Variants in TBX22 observed in about 807,000 individuals in gnomAD.
TBX22 encodes T-box transcription factor 22.
TBX22 carries 8 observed loss-of-function variants against 30.1 expected under a neutral mutation model. The observed-to-expected ratio is 0.27, with a 90% CI of 0.16 to 0.48. The LOEUF (loss-of-function observed/expected upper bound fraction) is 0.48, where lower values mean the gene tolerates loss of function less well. TBX22 is among the 20% of genes least tolerant of loss of function. The pLI, the probability that TBX22 is intolerant of heterozygous loss-of-function variation, is 0.99. For synonymous variants in TBX22, 173 were observed against 149.1 expected, an observed-to-expected ratio of 1.16 and a Z score of -1.17; for missense variants, 463 against 400.5, an observed-to-expected ratio of 1.16 and a Z score of -1.33.
intron 8 of TBX22, among the ~76,000 whole-genome samples, chrX:80,030,058 T>G (rs1488324271): frequency 8.9e-6 from 1 of 111,792 alleles, no homozygotes; most frequent in African/African-American, 3.3e-5. Flanking sequence ...GGGATGAAAC[T>G]GTTCCACCTC....
rs746269435 is a variant in TBX22 at position 80,016,831 on chromosome X, C to A, written c.-3+1944C>A. On this transcript the variant is annotated intron_variant, in intron 1 of 8. Transcript: ENST00000373296. ...GACCAGCCTGGCCAACATGGTGAAA[C>A]CCCGTCTCTACTAAAAATACAAAAA... Among the ~76,000 whole-genome samples, 3 of 109,516 alleles carry A rather than the reference C, an allele frequency of 2.7e-5. No individual in the cohort carries two copies. In the Admixed American group the frequency reaches 2.9e-4, roughly 11 times the overall value.
At position 80,031,068 on chromosome X, in the gene TBX22, G is replaced by A; in HGVS notation, c.1520G>A (p.Cys507Tyr). 2 of 1,210,799 alleles carry A rather than the reference G, an allele frequency of 1.7e-6. 1 individual carries two copies. The change falls in exon 9 of 9, where the codon TGT becomes TAT. Residue 507 changes from cysteine to tyrosine, a missense_variant. Coordinates refer to ENST00000373296, the MANE Select transcript of TBX22 (RefSeq NM_001109878.2). ...DSQVSFGEGKCNHVHWYPAIN... is the reference protein window; with the variant it reads ...DSQVSFGEGKYNHVHWYPAIN... ...CAAGTTTCTTTTGGAGAAGGCAAAT[G>A]TAATCATGTTCATTGGTATCCAGCA...
At chrX:80,019,629 T>C (rs1923593318) in intron 1 of TBX22, among the ~76,000 whole-genome samples, 1 of 111,134 alleles carries the variant, frequency 9.0e-6, no homozygotes, top group Admixed American at 9.7e-5. Context: ...CATTAGTACA[T>C]GCGCCTCAGG....
intron 7 of TBX22, among the ~76,000 whole-genome samples, chrX:80,027,623 C>T (rs779859898): frequency 1.8e-5 from 2 of 111,854 alleles, no homozygotes; most frequent in Non-Finnish European, 3.8e-5. Context: ...GTGATCTGCC[C>T]GCCTCAGCCT....
At chrX:80,029,209 T>C (rs1457221239) in intron 8 of TBX22, among the ~76,000 whole-genome samples, 1 of 112,142 alleles carries the variant, frequency 8.9e-6, no homozygotes, top group African/African-American at 3.2e-5. Flanking sequence ...ATTTGCCATC[T>C]TGTTGATGAA....
At chrX:80,025,195 C>G (rs1923912857) in intron 4 of TBX22, among the ~76,000 whole-genome samples, 1 of 111,601 alleles carries the variant, frequency 9.0e-6, no homozygotes, top group East Asian at 2.8e-4. Context: ...GCCTTATTGA[C>G]AAAAGGGCTT....
intron 1 of TBX22, among the ~76,000 whole-genome samples, chrX:80,017,361 G>C (rs756688460): frequency 5.2e-4 from 55 of 106,512 alleles, no homozygotes; most frequent in African/African-American, 1.7e-3. Context: ...ACAGGATCTT[G>C]CTATGTTGCC....
At chrX:80,024,305 G>A (rs1923866757) in intron 4 of TBX22, 141 bp downstream of exon 4, 1 of 537,226 alleles carries the variant, frequency 1.9e-6, no homozygotes, top group Non-Finnish European at 3.2e-6. Context: ...GTGGGCTTTA[G>A]GAGTTGAATT....
chrX:80,022,514 G>A, intron 2 of TBX22, 70 bp downstream of exon 2: 4 of 1,074,981 alleles, frequency 3.7e-6, no homozygotes, highest in Non-Finnish European at 5.1e-6. Flanking sequence ...CCTGGCTCGC[G>A]TCCCGACGCA....
rs899543371 is a variant in TBX22, at chrX:80,030,744, G to T, written c.1196G>T (p.Ser399Ile). The change falls in exon 9 of 9, where the codon AGT becomes ATT. Residue 399 changes from serine to isoleucine, a missense_variant. Physicochemically the swap from Ser to Ile is moderately radical, Grantham distance 142. Coordinates refer to ENST00000373296, the MANE Select transcript of TBX22 (RefSeq NM_001109878.2). ...CCTGAAAGACTAGCAAGCAGCAACAGTTCTCAGTCTTTAGCCCCACTCATG... is the reference window on the plus strand; with the variant it reads ...CCTGAAAGACTAGCAAGCAGCAACATTTCTCAGTCTTTAGCCCCACTCATG... ...PAPERLASSN[S>I]SQSLAPLMME... The T allele has an allele frequency of 5.0e-6, 6 of 1,211,949 alleles. No homozygotes were observed. Among genetic ancestry groups the T allele is most frequent in the Non-Finnish European group, 6.7e-6 (6 of 895,539 alleles).
rs1255491804 is a variant in TBX22 at position 80,022,450 on chromosome X, T to C, written c.175+6T>C. ...AGGGAAGAGCGAGCCGCTTGGTAAGTACTGCCATTGCCCTGAGCCCGTTGC... is the reference window on the plus strand; with the variant it reads ...AGGGAAGAGCGAGCCGCTTGGTAAGCACTGCCATTGCCCTGAGCCCGTTGC... On this transcript the variant is annotated splice_donor_region_variant and intron_variant, in intron 2 of 8. Coordinates refer to ENST00000373296, the MANE Select transcript of TBX22 (RefSeq NM_001109878.2). The C allele has an allele frequency of 8.5e-7, 1 of 1,174,359 alleles. No homozygotes were observed. The highest frequency in any genetic ancestry group is 1.1e-6 in the Non-Finnish European group (1 of 876,829).
chrX:80,022,561 A>G, intron 2 of TBX22, 117 bp downstream of exon 2: 1 of 738,223 alleles, frequency 1.4e-6, no homozygotes, highest in Non-Finnish European at 2.0e-6. Context: ...AGACACCTCG[A>G]CCACCTGGTG....
At chrX:80,018,636 A>G (rs765899194) in intron 1 of TBX22, among the ~76,000 whole-genome samples, 1 of 111,930 alleles carries the variant, frequency 8.9e-6, no homozygotes, top group Non-Finnish European at 1.9e-5. Context: ...CATCTCTTTA[A>G]TTTTGAAAAC....
intron 4 of TBX22, among the ~76,000 whole-genome samples, chrX:80,024,677 C>G (rs929869505): frequency 8.9e-6 from 1 of 112,101 alleles, no homozygotes; most frequent in South Asian, 3.7e-4. Context: ...CCTGTCTTTT[C>G]GTCCATCTTT....
rs3048745 is a variant in TBX22 at position 80,020,289 on chromosome X, TTAGATAGA to T, written c.-2-1957_-2-1950del. Among the ~76,000 whole-genome samples, 385 of 104,659 alleles carry T rather than the reference TTAGATAGA, an allele frequency of 3.7e-3. 2 individuals carry two copies. The highest frequency in any genetic ancestry group is 0.013 in the African/African-American group (364 of 28,003). 90.9% of individuals were successfully genotyped at this position (104,659 alleles called of 115,157 possible). On this transcript the variant is annotated intron_variant, in intron 1 of 8. Transcript: ENST00000373296. Reference sequence around the variant, plus strand: ...TAAAATATAGATAGATAGAGATAGATTAGATAGATAGATAGATAGATAGATAGATGATA... The same window carrying T: ...TAAAATATAGATAGATAGAGATAGATTAGATAGATAGATAGATAGATGATA...
intron 1 of TBX22, among the ~76,000 whole-genome samples, chrX:80,018,583 T>G (rs377093754): frequency 5.4e-5 from 6 of 112,018 alleles, no homozygotes; most frequent in African/African-American, 1.9e-4. Context: ...CACAGCTGTA[T>G]AGTTGATAGA....
Position 80,030,980 on chromosome X carries a change from A to G in TBX22, c.1432A>G (p.Asn478Asp), listed in dbSNP as rs1014680559. 1.7e-6 allele frequency: 2 copies of G among 1,211,832 alleles called. No homozygotes were observed. The highest frequency in any genetic ancestry group is 3.5e-5 in the African/African-American group (2 of 57,899). ...TCCTTCCTATGACTTTTATAGATAC[A>G]ATTTCTCTATGCCATCTAGACTGAT... ...FHPSYDFYRY[N>D]FSMPSRLISG... Residue 478 changes from asparagine to aspartate, a missense_variant, in exon 9 of 9, where the codon AAT (asparagine) becomes GAT (aspartate). Physicochemically the swap from Asn to Asp is conservative, Grantham distance 23. Transcript: ENST00000373296.
chrX:80,023,082 C>G lies in TBX22; in HGVS notation c.198C>G (p.Pro66=), dbSNP rs1469902030. Residue 66 remains proline, a synonymous_variant, in exon 3 of 9, where the codon CCC becomes CCG. Transcript: ENST00000373296. ...CAGAAAAACAACCTAAGACAGAGCC[C>G]TCAACATCTGCTTCCTCTGGCTGCG... ...EPLEKQPKTE[P]STSASSGCGS... is the part of the protein sequence containing the mutation. 8.3e-7 allele frequency: 1 copy of G among 1,211,819 alleles called. No individual in the cohort carries two copies. The highest frequency in any genetic ancestry group is 1.1e-6 in the Non-Finnish European group (1 of 895,500).
Position 80,018,736 on chromosome X carries a change from C to G in TBX22, c.-2-3532C>G, listed in dbSNP as rs1456757408. Among the ~76,000 whole-genome samples, 7 of 112,055 alleles carry G rather than the reference C, an allele frequency of 6.2e-5. No homozygotes were observed. In the East Asian group the frequency reaches 1.7e-3, roughly 27 times the overall value. ...TACTAAACTCTCAGATATATAAACA[C>G]ACTTACAGAAACATACTCTATGATA... On this transcript the variant is annotated intron_variant, in intron 1 of 8. Coordinates refer to ENST00000373296, the MANE Select transcript of TBX22 (RefSeq NM_001109878.2).
Sources: allele counts gnomAD v4.1 joint callset (sites outside exome capture counted in the v4.1 genomes callset), GRCh38; gene constraint gnomAD v4.1.1; transcripts MANE v1.5; gene names NCBI Gene and HGNC (gene_info 2026-07-23, HGNC 2026-07-21).